RALGAPA2: variants seen among roughly 807,000 people sequenced by gnomAD.
The protein encoded by RALGAPA2 is ral GTPase-activating protein subunit alpha-2.
RALGAPA2 carries 139 observed loss-of-function variants against 230.4 expected under a neutral mutation model. The ratio of observed to expected loss-of-function variants is 0.60; its 90% CI spans 0.53 to 0.69. RALGAPA2 has a LOEUF of 0.69. Among genes scored for constraint, RALGAPA2 ranks in the 30% least tolerant of loss-of-function variants. RALGAPA2 has a pLI of 0.00. For synonymous variants in RALGAPA2, 847 were observed against 837.8 expected (o/e 1.01, Z -0.19); for missense variants, 2,163 against 2,276.0 (o/e 0.95, Z 1.01).
chr20:20,570,427 C>T (rs997057903), intron 23 of RALGAPA2, among the ~76,000 whole-genome samples: 2 of 151,976 alleles, frequency 1.3e-5, no homozygotes, highest in African/African-American at 4.8e-5. Flanking sequence ...TCAACGAATA[C>T]AAAAAATGCA....
intron 1 of RALGAPA2, among the ~76,000 whole-genome samples, chr20:20,701,541 A>G (rs2069362350): frequency 2.0e-5 from 3 of 152,086 alleles, no homozygotes; most frequent in Non-Finnish European, 1.5e-5. Flanking sequence ...GTTCAAGAAG[A>G]GCCTGGCCAA....
Position 20,512,574 on chromosome 20 carries a change from C to A in RALGAPA2, c.4795G>T (p.Gly1599Ter), listed in dbSNP as rs2062744009. The change falls in exon 32 of 40, where the codon GGA becomes TGA. Residue 1599 changes from glycine (G) to a stop codon, truncating the protein, a stop_gained. Transcript: ENST00000202677. LOFTEE classifies it high-confidence loss of function. ...AATAACCTGCAGAAATAAAAGGGTC[C>A]TCGGGGCTCCACTGGGGAGGGCTGC... ...QGQPSPVEPRGPFYFCRLLLD... is the reference protein window; with the variant it reads ...QGQPSPVEPR 6.2e-7 allele frequency: 1 copy of A among 1,613,538 alleles called. No homozygotes were observed. The highest frequency in any genetic ancestry group is 8.5e-7 in the Non-Finnish European group (1 of 1,179,772).
At chr20:20,682,242 T>C (rs1235168520) in intron 1 of RALGAPA2, among the ~76,000 whole-genome samples, 1 of 152,234 alleles carries the variant, frequency 6.6e-6, no homozygotes, top group African/African-American at 2.4e-5. Context: ...TGAAAATTCC[T>C]AGCAAGGAAC....
At chr20:20,529,771 A>G (rs761393366) in intron 27 of RALGAPA2, among the ~76,000 whole-genome samples, 8 of 152,276 alleles carry the variant, frequency 5.3e-5, no homozygotes, top group Middle Eastern at 6.8e-3. Flanking sequence ...ACAACAATGC[A>G]ATCACCTAGC....
chr20:20,553,916 G>T (rs888895616), intron 23 of RALGAPA2, among the ~76,000 whole-genome samples: 1 of 152,182 alleles, frequency 6.6e-6, no homozygotes, highest in African/African-American at 2.4e-5. Context: ...AAGGAACAAT[G>T]TACATGAATT....
intron 12 of RALGAPA2, among the ~76,000 whole-genome samples, chr20:20,616,774 T>A (rs2066156868): frequency 6.6e-6 from 1 of 151,936 alleles, no homozygotes; most frequent in African/African-American, 2.4e-5. Context: ...AGGAGGCTAT[T>A]TTTTTTTAAT....
At chr20:20,406,427 C>A (rs1344372173) in intron 38 of RALGAPA2, among the ~76,000 whole-genome samples, 1 of 152,032 alleles carries the variant, frequency 6.6e-6, no homozygotes, top group African/African-American at 2.4e-5. Flanking sequence ...AGAATCAAGC[C>A]GGTTATGAGG....
chr20:20,673,665 T>TA lies in RALGAPA2; in HGVS notation c.270+2570dup, dbSNP rs749329251. Among the ~76,000 whole-genome samples the TA allele has an allele frequency of 5.9e-5, 9 of 151,794 alleles. 1 individual carries two copies. The highest frequency in any genetic ancestry group is 1.3e-4 in the Non-Finnish European group (9 of 67,956). On this transcript the variant is annotated intron_variant, in intron 3 of 39. Transcript: ENST00000202677. ...TGAGTGGTTAAAATCTTCACATAAG[T>TA]AAAAAAAGCACCCCAGTTGCAGGTG...
At chr20:20,555,498 T>C (rs375070654) in intron 23 of RALGAPA2, among the ~76,000 whole-genome samples, 1 of 152,224 alleles carries the variant, frequency 6.6e-6, no homozygotes, top group African/African-American at 2.4e-5. Flanking sequence ...GGAATCTACA[T>C]GTCAGTTTGG....
chr20:20,526,434 T>C, intron 27 of RALGAPA2, 72 bp from the exon 28 acceptor site: 2 of 988,162 alleles, frequency 2.0e-6, no homozygotes, highest in Admixed American at 5.9e-5. Context: ...GACAAAATAG[T>C]TATTTCTTCT....
chr20:20,504,564 A>T (rs191939609), intron 34 of RALGAPA2, among the ~76,000 whole-genome samples: 46 of 152,238 alleles, frequency 3.0e-4, no homozygotes, highest in Non-Finnish European at 2.5e-4. Context: ...TCTACTAAAA[A>T]TACAAAAAAA....
intron 36 of RALGAPA2, among the ~76,000 whole-genome samples, chr20:20,492,180 G>A (rs1239754951): frequency 6.6e-6 from 1 of 152,058 alleles, no homozygotes; most frequent in Non-Finnish European, 1.5e-5. Flanking sequence ...TCTACCCAAT[G>A]AGCAAGACTT....
chr20:20,611,221 A>G, intron 14 of RALGAPA2, 94 bp downstream of exon 14: 2 of 1,419,146 alleles, frequency 1.4e-6, no homozygotes, highest in South Asian at 1.8e-5. Context: ...TTTAAATTTA[A>G]TATTATTTTT....
At chr20:20,549,123 G>T (rs2063852669) in intron 23 of RALGAPA2, among the ~76,000 whole-genome samples, 1 of 152,090 alleles carries the variant, frequency 6.6e-6, no homozygotes, top group Admixed American at 6.6e-5. Context: ...GGAATTTAGA[G>T]TTTTAATTAA....
chr20:20,462,900 T>C (rs1453566351), intron 37 of RALGAPA2, among the ~76,000 whole-genome samples: 1 of 152,224 alleles, frequency 6.6e-6, no homozygotes, highest in Non-Finnish European at 1.5e-5. Context: ...AAAATATTGC[T>C]TATAATCCCA....
intron 37 of RALGAPA2, among the ~76,000 whole-genome samples, chr20:20,444,470 A>G (rs1263591888): frequency 6.6e-6 from 1 of 152,220 alleles, no homozygotes; most frequent in East Asian, 1.9e-4. Context: ...ACAGACACAC[A>G]CACACAGTAC....
chr20:20,405,429 C>G (rs1177284956), intron 38 of RALGAPA2, among the ~76,000 whole-genome samples: 1 of 152,174 alleles, frequency 6.6e-6, no homozygotes, highest in Admixed American at 6.5e-5. Flanking sequence ...CCTGCACAGT[C>G]CTGCTCAGTG....
chr20:20,476,575 A>G (rs2061653288), intron 36 of RALGAPA2, among the ~76,000 whole-genome samples: 1 of 151,884 alleles, frequency 6.6e-6, no homozygotes, highest in Non-Finnish European at 1.5e-5. Flanking sequence ...CTGAAATATT[A>G]AAGCTAAAAC....
chr20:20,597,935 G>C (rs2065511087), intron 16 of RALGAPA2, among the ~76,000 whole-genome samples: 1 of 152,152 alleles, frequency 6.6e-6, no homozygotes, highest in South Asian at 2.1e-4. Context: ...CTCTTTTAAG[G>C]AAGAAGATTC....
Sources: allele counts gnomAD v4.1 joint callset (sites outside exome capture counted in the v4.1 genomes callset), GRCh38; gene constraint gnomAD v4.1.1; transcripts MANE v1.5; gene names NCBI Gene and HGNC (gene_info 2026-07-23, HGNC 2026-07-21).